The following PSMA8 variants were observed in gnomAD, a reference collection of about 807,000 sequenced individuals.
The protein encoded by PSMA8 is proteasome 20S subunit alpha 8.
In PSMA8, 18 loss-of-function variants were observed where a neutral mutation model predicts 32.4. That is an observed-to-expected ratio of 0.56 (90% CI 0.38 to 0.82). The LOEUF (loss-of-function observed/expected upper bound fraction) is 0.82, where lower values mean the gene tolerates loss of function less well. PSMA8 is among the 40% of genes least tolerant of loss of function. PSMA8 has a pLI of 0.00. For missense variants in PSMA8, 298 were observed against 300.7 expected, an observed-to-expected ratio of 0.99 and a Z score of 0.07; for synonymous variants, 104 against 98.1, an observed-to-expected ratio of 1.06 and a Z score of -0.36.
intron 4 of PSMA8, among the ~76,000 whole-genome samples, chr18:26,170,373 G>A (rs2055211310): frequency 7.6e-6 from 1 of 131,380 alleles, no homozygotes; most frequent in Admixed American, 7.2e-5. Flanking sequence ...TTCCACTAGT[G>A]AAACTGCTCA....
Position 26,183,648 on chromosome 18 carries a change from A to G in PSMA8, c.660+4518A>G, listed in dbSNP as rs547787413. 2.6e-5 allele frequency among the ~76,000 whole-genome samples: 4 copies of G among 150,986 alleles called. 1 individual carries two copies. In the East Asian group the frequency reaches 7.9e-4, roughly 30 times the overall value. ...AGAAAAGAATGTGGTTTCTTGGATG[A>G]AATCTACTCCTGGTTATGATGCTGT... On this transcript the variant is annotated intron_variant, in intron 6 of 6. Transcript: ENST00000415576.
chr18:26,140,111 T>A (rs1300372149), intron 1 of PSMA8: 3 of 703,052 alleles, frequency 4.3e-6, no homozygotes, highest in Non-Finnish European at 7.8e-6. Context: ...TTTGAAAAAG[T>A]AAGTACCTCT....
Position 26,164,384 on chromosome 18 carries a change from G to A in PSMA8, c.477+6140G>A, listed in dbSNP as rs987725325. ...AGATGGCTGGGAAAAGGATATTCAC[G>A]TGGTGCCACATATTACTTGTTAATC... is the stretch of plus-strand genomic sequence containing the variant. On this transcript the variant is annotated intron_variant, in intron 4 of 6. Transcript: ENST00000415576. Among the ~76,000 whole-genome samples the A allele has an allele frequency of 2.6e-5, 4 of 152,202 alleles. No homozygotes were observed. In the South Asian group the frequency reaches 6.2e-4, roughly 24 times the overall value.
intron 4 of PSMA8, among the ~76,000 whole-genome samples, chr18:26,172,314 A>T (rs2055228652): frequency 3.3e-5 from 5 of 152,364 alleles, no homozygotes. Context: ...TAAATATTTT[A>T]GCCATGTAGG....
chr18:26,148,902 A>G (rs2055024421), intron 2 of PSMA8, among the ~76,000 whole-genome samples: 1 of 152,210 alleles, frequency 6.6e-6, no homozygotes, highest in Non-Finnish European at 1.5e-5. Context: ...CCTGAAGCAC[A>G]GTGGCATCAC....
At chr18:26,154,094 G>A (rs2055067729) in intron 3 of PSMA8, among the ~76,000 whole-genome samples, 1 of 152,006 alleles carries the variant, frequency 6.6e-6, no homozygotes, top group African/African-American at 2.4e-5. Flanking sequence ...TACAGATGAT[G>A]TTTCACCATG....
chr18:26,190,155 G>C (rs894533600), intron 6 of PSMA8, among the ~76,000 whole-genome samples: 2 of 152,070 alleles, frequency 1.3e-5, no homozygotes, highest in African/African-American at 2.4e-5. Context: ...GAAGGGTAGT[G>C]GGGGGCAGGG....
At position 26,158,107 on chromosome 18, in the gene PSMA8, G is replaced by A. The variant is rs745768278; in HGVS notation, c.355-15G>A. On this transcript the variant is annotated splice_polypyrimidine_tract_variant and intron_variant, in intron 3 of 6. Coordinates refer to ENST00000415576, the MANE Select transcript of PSMA8 (RefSeq NM_001025096.2). ...ACTAATAGTTTTATTCTAAAAATAC[G>A]TTTTATTTTTCTAGAAATATACCCA... The A allele has an allele frequency of 3.3e-5, 51 of 1,535,060 alleles. No individual in the cohort carries two copies. The South Asian group carries it at 5.0e-4, about 15-fold the overall frequency.
intron 4 of PSMA8, among the ~76,000 whole-genome samples, chr18:26,174,622 A>G (rs2055250081): frequency 1.3e-5 from 2 of 152,198 alleles, no homozygotes; most frequent in Non-Finnish European, 2.9e-5. Context: ...ACCCTGATTA[A>G]TGATGTTAAT....
chr18:26,172,125 AC>A (rs1408130260), intron 4 of PSMA8, among the ~76,000 whole-genome samples: 1 of 152,166 alleles, frequency 6.6e-6, no homozygotes, highest in Non-Finnish European at 1.5e-5. Context: ...TGCATAGACA[AC>A]CCTGAAAAAC....
chr18:26,177,142 T>G (rs1244638620), intron 4 of PSMA8, among the ~76,000 whole-genome samples: 2 of 152,186 alleles, frequency 1.3e-5, no homozygotes, highest in East Asian at 3.8e-4. Context: ...CTGCTTACTC[T>G]CTGCATGATC....
At chr18:26,134,745 G>A (rs907529806) in intron 1 of PSMA8, among the ~76,000 whole-genome samples, 3 of 152,080 alleles carry the variant, frequency 2.0e-5, no homozygotes, top group African/African-American at 7.2e-5. Flanking sequence ...ACCTGAGGTC[G>A]GGAGTTTGAG....
In PSMA8 at chr18:26,179,700, T is replaced by C. The variant is rs546363222; in HGVS notation, c.660+570T>C. On this transcript the variant is annotated intron_variant, in intron 6 of 6. Transcript: ENST00000415576. ...CTATTGTTCATTAGGTAGAACCAAC[T>C]GTACAACATAGTTTGCCAGCTAGCT... is the stretch of plus-strand genomic sequence containing the variant. Among the ~76,000 whole-genome samples the C allele has an allele frequency of 1.2e-3, 177 of 152,302 alleles. 1 individual carries two copies. Among genetic ancestry groups the C allele is most frequent in the African/African-American group, 4.0e-3 (165 of 41,578 alleles).
chr18:26,191,284 C>T (rs185120885), intron 6 of PSMA8, among the ~76,000 whole-genome samples: 201 of 152,148 alleles, frequency 1.3e-3, no homozygotes, highest in South Asian at 4.4e-3. Flanking sequence ...GTATTAAGAT[C>T]ATTATATTTA....
intron 6 of PSMA8, among the ~76,000 whole-genome samples, chr18:26,180,102 A>G (rs1293782089): frequency 1.3e-5 from 2 of 151,976 alleles, no homozygotes; most frequent in African/African-American, 4.8e-5. Context: ...AATACAAAAA[A>G]AATAGCTGGG....
chr18:26,151,622 T>A (rs1409185539), intron 2 of PSMA8, among the ~76,000 whole-genome samples: 1 of 152,220 alleles, frequency 6.6e-6, no homozygotes. Context: ...GTGTTTAAAC[T>A]ATTATTCTTT....
In PSMA8 at chr18:26,192,481, T is replaced by G. The variant is rs2055412450; in HGVS notation, c.*70T>G. On this transcript the variant is annotated 3_prime_UTR_variant, in exon 7 of 7. Transcript: ENST00000415576. ...TACTGCCTGAGGTTGTTTAGTGAAA[T>G]TTTAGAGGAAAACAGTTATTTTGCA... 6.9e-7 allele frequency: 1 copy of G among 1,453,030 alleles called. No homozygotes were observed. Among genetic ancestry groups the G allele is most frequent in the African/African-American group, 1.5e-5 (1 of 67,170 alleles). The allele number at this position is 1,453,030 out of a possible 1,614,324, so 90.0% of individuals were successfully genotyped here.
chr18:26,185,809 A>T (rs933754855), intron 6 of PSMA8, among the ~76,000 whole-genome samples: 8 of 150,858 alleles, frequency 5.3e-5, no homozygotes, highest in Non-Finnish European at 1.2e-4. Flanking sequence ...TTGTTTCTTT[A>T]CAGAGTTTTA....
chr18:26,166,992 A>T (rs1166647269), intron 4 of PSMA8, among the ~76,000 whole-genome samples: 1 of 152,220 alleles, frequency 6.6e-6, no homozygotes, highest in African/African-American at 2.4e-5. Flanking sequence ...AGTTTTCCAA[A>T]TGAGCAAGCA....
Sources: allele counts gnomAD v4.1 joint callset (sites outside exome capture counted in the v4.1 genomes callset), GRCh38; gene constraint gnomAD v4.1.1; transcripts MANE v1.5; gene names NCBI Gene and HGNC (gene_info 2026-07-23, HGNC 2026-07-21).